Variants in TSHR observed in about 807,000 individuals in gnomAD.
TSHR encodes the protein thyroid stimulating hormone receptor, also known as thyrotropin receptor.
In TSHR, 51 loss-of-function variants were observed where a neutral mutation model predicts 64.1. That is an observed-to-expected ratio of 0.80 (90% CI 0.64 to 1.01). The LOEUF is 1.01. Among genes scored for constraint, TSHR ranks in the 50% least tolerant of loss-of-function variants. The pLI is 0.00. For missense variants in TSHR, 877 were observed against 942.8 expected (o/e 0.93, Z 0.91); for synonymous variants, 361 against 361.9 (o/e 1.00, Z 0.03).
chr14:81,139,629 G>A, intron 8 of TSHR, 50 bp from the exon 9 acceptor site: 1 of 1,601,760 alleles, frequency 6.2e-7, no homozygotes, highest in South Asian at 1.1e-5. Flanking sequence ...GGCTGAGAAG[G>A]CCCTGGCTGC....
intron 1 of TSHR, among the ~76,000 whole-genome samples, chr14:80,979,789 T>C (rs1379048595): frequency 3.9e-5 from 6 of 152,168 alleles, no homozygotes; most frequent in Non-Finnish European, 8.8e-5. Flanking sequence ...TCTAAATATA[T>C]CTTGAATCTG....
At chr14:80,976,728 A>G (rs1182635126) in intron 1 of TSHR, among the ~76,000 whole-genome samples, 1 of 152,226 alleles carries the variant, frequency 6.6e-6, no homozygotes, top group Non-Finnish European at 1.5e-5. Flanking sequence ...TGGTCTCTGT[A>G]TACAAGAAGT....
intron 7 of TSHR, among the ~76,000 whole-genome samples, chr14:81,101,471 A>C (rs1889577330): frequency 6.6e-6 from 1 of 152,242 alleles, no homozygotes; most frequent in Admixed American, 6.5e-5. Context: ...ATTTCTGGTC[A>C]CAAAAACAAC....
chr14:81,068,878 T>C (rs1886854260), intron 3 of TSHR, among the ~76,000 whole-genome samples: 1 of 152,170 alleles, frequency 6.6e-6, no homozygotes, highest in Admixed American at 6.5e-5. Context: ...AGCTGCAACT[T>C]CATGTTTATC....
intron 1 of TSHR, chr14:81,050,926 T>C (rs548900172): frequency 1.5e-4 from 23 of 152,290 alleles, no homozygotes; most frequent in African/African-American, 5.3e-4. Context: ...TTTATTTTGT[T>C]TTCTGGTGCA....
intron 1 of TSHR, among the ~76,000 whole-genome samples, chr14:81,007,049 T>C (rs1889643153): frequency 2.0e-5 from 3 of 152,224 alleles, no homozygotes; most frequent in South Asian, 4.1e-4. Flanking sequence ...GATACCACAT[T>C]ACATTTTGTC....
At chr14:81,113,844 G>T (rs146411132) in intron 8 of TSHR, among the ~76,000 whole-genome samples, 1 of 152,118 alleles carries the variant, frequency 6.6e-6, no homozygotes, top group African/African-American at 2.4e-5. Flanking sequence ...ACTGAAGCTG[G>T]TCAGTCTCAT....
intron 3 of TSHR, among the ~76,000 whole-genome samples, chr14:81,072,779 C>T (rs1465537015): frequency 1.2e-4 from 16 of 137,762 alleles, no homozygotes; most frequent in African/African-American, 5.4e-4. Flanking sequence ...GGGCGGATCA[C>T]GAGGTCAGGA....
rs1888213943 is a variant in TSHR, at chr14:80,982,326, T to C, written c.170+26476T>C. 2.5e-6 allele frequency: 3 copies of C among 1,178,094 alleles called. 1 individual carries two copies. The highest frequency in any genetic ancestry group is 4.3e-5 in the Admixed American group (2 of 46,252). 73.0% of individuals were successfully genotyped at this position (1,178,094 alleles called of 1,614,324 possible). A position where few individuals can be genotyped will look rare whatever the true frequency, so the allele number is the denominator to read the frequency against. On this transcript the variant is annotated intron_variant, in intron 1 of 9. Transcript: ENST00000298171. Reference sequence around the variant, plus strand: ...CTGGTATTGATGCCTGGGTCTGGGCTGAGGAAGAGGCCACTATCAATTCCT... The same window carrying C: ...CTGGTATTGATGCCTGGGTCTGGGCCGAGGAAGAGGCCACTATCAATTCCT...
Position 81,145,623 on chromosome 14 carries a change from T to A in TSHR, c.*1270T>A. On this transcript the variant is annotated 3_prime_UTR_variant, in exon 10 of 10. Coordinates refer to ENST00000298171, the MANE Select transcript of TSHR (RefSeq NM_000369.5). The stretch of plus-strand genomic sequence containing the variant: ...GTCACTTCAAAACACTTCGCTTGTC[T>A]TTAGGGATGATTTTTGCCATTTCCA... 4.3e-6 allele frequency: 1 copy of A among 233,204 alleles called. No individual in the cohort carries two copies. Among genetic ancestry groups the A allele is most frequent in the Non-Finnish European group, 8.5e-6 (1 of 118,004 alleles). 14.4% of individuals were successfully genotyped at this position (233,204 alleles called of 1,614,324 possible).
chr14:81,122,280 C>T (rs1377666089), intron 8 of TSHR, among the ~76,000 whole-genome samples: 9 of 151,438 alleles, frequency 5.9e-5, no homozygotes, highest in African/African-American at 1.5e-4. Flanking sequence ...TGACCTCAGG[C>T]GATCCACCTG....
chr14:81,142,597 A>G (rs1358842817), intron 9 of TSHR, among the ~76,000 whole-genome samples: 1 of 144,412 alleles, frequency 6.9e-6, no homozygotes, highest in East Asian at 2.0e-4. Context: ...TGGGTTTTAA[A>G]CAAGCATTCT....
intron 1 of TSHR, among the ~76,000 whole-genome samples, chr14:81,022,796 G>A (rs764348729): frequency 3.3e-5 from 5 of 152,086 alleles, no homozygotes; most frequent in Non-Finnish European, 5.9e-5. Context: ...ACTCCAGCCC[G>A]GGCGACAAAG....
chr14:81,072,996 C>CAAAAAAA (rs1212879309), intron 3 of TSHR, among the ~76,000 whole-genome samples: 14 of 7,508 alleles, frequency 1.9e-3, no homozygotes, highest in South Asian at 5.1e-3. Flanking sequence ...GACTCCGTCT[C>CAAAAAAA]AAAAAAAAAA....
At chr14:81,126,411 G>C (rs1470359424) in intron 8 of TSHR, among the ~76,000 whole-genome samples, 1 of 152,188 alleles carries the variant, frequency 6.6e-6, no homozygotes, top group Non-Finnish European at 1.5e-5. Flanking sequence ...AAATGGTCAT[G>C]CATTTTATAT....
intron 1 of TSHR, among the ~76,000 whole-genome samples, chr14:81,039,094 AG>A (rs1185200556): frequency 6.6e-6 from 1 of 151,998 alleles, no homozygotes; most frequent in Non-Finnish European, 1.5e-5. Context: ...CAACAAAGAA[AG>A]AAAACTACAG....
intron 1 of TSHR, chr14:80,995,032 T>G (rs1888938363): frequency 6.6e-6 from 1 of 152,002 alleles, no homozygotes; most frequent in Non-Finnish European, 1.5e-5. Flanking sequence ...ATAATGGACT[T>G]AAATTTACAA....
At chr14:80,982,829 CT>C in intron 1 of TSHR, 1 of 509,852 alleles carries the variant, frequency 2.0e-6, no homozygotes. Context: ...CCTGAGTGTC[CT>C]TTTGGTTCCG....
At chr14:81,104,986 T>C in intron 7 of TSHR, 1 of 985,458 alleles carries the variant, frequency 1.0e-6, no homozygotes, top group Non-Finnish European at 1.2e-6. Flanking sequence ...TTAGAAACCC[T>C]GACTTTCAAA....
Sources: gnomAD v4.1 joint callset for allele counts (sites outside exome capture counted in the v4.1 genomes callset) on GRCh38, gnomAD v4.1.1 for gene constraint, MANE v1.5 for transcripts, NCBI Gene and HGNC (gene_info 2026-07-23, HGNC 2026-07-21) for gene names.